The following E2F8 variants were observed in gnomAD, a reference collection of about 807,000 sequenced individuals.
The protein encoded by E2F8 is transcription factor E2F8.
E2F8 carries 35 observed loss-of-function variants against 80.8 expected under a neutral mutation model. The observed-to-expected ratio is 0.43, with a 90% CI of 0.33 to 0.57. E2F8 has a LOEUF of 0.57. Among genes scored for constraint, E2F8 ranks in the 20% least tolerant of loss-of-function variants. The pLI is 0.04. For missense variants in E2F8, 975 were observed against 1,056.2 expected (o/e 0.92, Z 1.07); for synonymous variants, 386 against 395.0 (o/e 0.98, Z 0.27).
At chr11:19,235,097 A>T in intron 4 of E2F8, 39 bp from the exon 5 acceptor site, 1 of 1,535,740 alleles carries the variant, frequency 6.5e-7, no homozygotes, top group Non-Finnish European at 8.8e-7. Flanking sequence ...AGATTTTTGT[A>T]ACGTGTTTAG....
rs1338299440 is a variant in E2F8, at chr11:19,226,647, TC to T, written c.1894-784del. Among the ~76,000 whole-genome samples the T allele has an allele frequency of 6.4e-4, 97 of 152,324 alleles. 1 individual carries two copies. The highest frequency in any genetic ancestry group is 2.3e-3 in the African/African-American group (95 of 41,570). ...ATTTATGTACTGCCTATAGCAACTT[TC>T]CTGCTACAATGGCAGAGTTGACTAG... On this transcript the variant is annotated intron_variant, in intron 10 of 12. Transcript: ENST00000250024.
chr11:19,224,894 G>T, intron 12 of E2F8, 54 bp from the exon 13 acceptor site: 1 of 1,588,194 alleles, frequency 6.3e-7, no homozygotes. Flanking sequence ...CAGGTACATA[G>T]TCTTACCAGA....
At position 19,225,452 on chromosome 11, in the gene E2F8, G is replaced by A. The variant is rs779207610; in HGVS notation, c.2190C>T (p.Ser730=). Residue 730 remains serine (S), a synonymous_variant, in exon 12 of 13, where the codon AGC becomes AGT. Coordinates refer to ENST00000250024, the MANE Select transcript of E2F8 (RefSeq NM_024680.4). ...GCAGGGTGAAGTTTACAATGGCTGA[G>A]CTTGGGTTCTGGATGGGAACAGGGT... ...SSHPVPIQNP[S]SAIVNFTLQH... is the part of the protein sequence containing the mutation. 4 of 1,614,118 alleles carry A rather than the reference G, an allele frequency of 2.5e-6. 1 individual carries two copies. In the South Asian group the frequency reaches 3.3e-5, roughly 13 times the overall value.
At chr11:19,231,325 G>A (rs961847689) in intron 7 of E2F8, among the ~76,000 whole-genome samples, 2 of 152,112 alleles carry the variant, frequency 1.3e-5, no homozygotes, top group African/African-American at 2.4e-5. Flanking sequence ...ATATGGCCCC[G>A]GAATTTTCAC....
At chr11:19,228,128 A>G (rs148066808) in intron 10 of E2F8, among the ~76,000 whole-genome samples, 85 of 152,276 alleles carry the variant, frequency 5.6e-4, no homozygotes, top group African/African-American at 2.0e-3. Context: ...TATAAAAAAG[A>G]AGCAGGAGTA....
intron 8 of E2F8, 94 bp from the exon 9 acceptor site, chr11:19,230,422 G>T: frequency 1.5e-6 from 2 of 1,315,854 alleles, no homozygotes; most frequent in Non-Finnish European, 1.1e-6. Context: ...AACAGAAAGT[G>T]TGCACCTCCC....
chr11:19,229,530 C>G lies in E2F8; in HGVS notation c.1817G>C (p.Arg606Thr), dbSNP rs1299672843. The change falls in exon 10 of 13, where the codon AGG becomes ACG. Residue 606 changes from arginine (R) to threonine (T), a missense_variant. Physicochemically the swap from Arg to Thr is moderately conservative, Grantham distance 71. Coordinates refer to ENST00000250024, the MANE Select transcript of E2F8 (RefSeq NM_024680.4). This position sits in a 1 kb window ranked among gnomAD's most constrained non-coding sequence, Gnocchi z 4.3. ...REPAGERGSK[R>T]ASMLEDSGSK... ...ACCACTGTCCTCGAGCATGCTTGCC[C>G]TCTTTGAGCCTCTTTCTCCAGCTGG... 2 of 1,614,120 alleles carry G rather than the reference C, an allele frequency of 1.2e-6. No homozygotes were observed. The highest frequency in any genetic ancestry group is 2.7e-5 in the African/African-American group (2 of 74,946).
At chr11:19,237,208 T>C in intron 4 of E2F8, 106 bp downstream of exon 4, 1 of 1,102,858 alleles carries the variant, frequency 9.1e-7, no homozygotes, top group East Asian at 2.5e-5. Context: ...GCCGGCTTAT[T>C]TGTGTCATTT....
At chr11:19,240,397 G>C (rs1212156279) in intron 1 of E2F8, among the ~76,000 whole-genome samples, 151 bp downstream of exon 1, 1 of 152,148 alleles carries the variant, frequency 6.6e-6, no homozygotes, top group Non-Finnish European at 1.5e-5. Flanking sequence ...AGCGGAGAAC[G>C]CCAACAAATG....
In E2F8 at chr11:19,227,634, T is replaced by A. The variant is rs773403839; in HGVS notation, c.1894-1770A>T. 7.2e-5 allele frequency among the ~76,000 whole-genome samples: 11 copies of A among 152,358 alleles called. No homozygotes were observed. In the East Asian group the frequency reaches 1.2e-3, roughly 16 times the overall value. ...TCCACCCCTTCCTCCTATCATGTCA[T>A]CTTCATTCCTATCATTCACTACCTG... On this transcript the variant is annotated intron_variant, in intron 10 of 12. Coordinates refer to ENST00000250024, the MANE Select transcript of E2F8 (RefSeq NM_024680.4).
In E2F8 at chr11:19,237,295, G is replaced by A. The variant is rs759646937; in HGVS notation, c.451+19C>T. ...CACTTTAATTATTAATTCTTTCAGT[G>A]AGTTCTTTGCATACTTACTAAGTTC... On this transcript the variant is annotated intron_variant, in intron 4 of 12. Coordinates refer to ENST00000250024, the MANE Select transcript of E2F8 (RefSeq NM_024680.4). 5.0e-6 allele frequency: 8 copies of A among 1,612,436 alleles called. No individual in the cohort carries two copies. The Admixed American group carries it at 1.2e-4, about 24-fold the overall frequency.
intron 4 of E2F8, among the ~76,000 whole-genome samples, chr11:19,235,667 A>AAAC (rs1491130303): frequency 1.5e-4 from 2 of 13,708 alleles, no homozygotes; most frequent in Admixed American, 1.6e-3. Context: ...ACAAACAAAC[A>AAAC]AAAAAAAAAA....
Position 19,234,859 on chromosome 11 carries a change from C to T in E2F8, c.651G>A (p.Glu217=). The change falls in exon 5 of 13, where the codon GAG becomes GAA. Residue 217 remains glutamate, a synonymous_variant. Coordinates refer to ENST00000250024, the MANE Select transcript of E2F8 (RefSeq NM_024680.4). ...TACTGTAACTCTTAATAAAGTCAAA[C>T]TCTTGCTCATATTCTTTCTTTTTGA... ...MMIKKKEYEQ[E]FDFIKSYSIE... is the part of the protein sequence containing the mutation. 1.2e-6 allele frequency: 2 copies of T among 1,614,226 alleles called. No homozygotes were observed. The highest frequency in any genetic ancestry group is 2.2e-5 in the East Asian group (1 of 44,888).
chr11:19,230,956 C>T (rs540057494), intron 7 of E2F8, 122 bp from the exon 8 acceptor site: 2 of 807,858 alleles, frequency 2.5e-6, no homozygotes, highest in East Asian at 2.7e-5. Flanking sequence ...GTGCCTGTCA[C>T]TGTTCTAAGG....
Position 19,240,183 on chromosome 11 carries a change from C to A in E2F8, c.-62G>T. 1 of 1,218,288 alleles carries A rather than the reference C, an allele frequency of 8.2e-7. No individual in the cohort carries two copies. Among genetic ancestry groups the A allele is most frequent in the Non-Finnish European group, 1.1e-6 (1 of 882,312 alleles). The allele number at this position is 1,218,288 out of a possible 1,614,324, so 75.5% of individuals were successfully genotyped here. On this transcript the variant is annotated 5_prime_UTR_variant, in exon 2 of 13. Coordinates refer to ENST00000250024, the MANE Select transcript of E2F8 (RefSeq NM_024680.4). ...AAAAATCTGGAGTTCCTCCCCAAATCCCGATGGTTCAAGTAGTCCAATCAA... is the reference window on the plus strand; with the variant it reads ...AAAAATCTGGAGTTCCTCCCCAAATACCGATGGTTCAAGTAGTCCAATCAA...
In E2F8 at chr11:19,229,369, C is replaced by G; in HGVS notation, c.1893+85G>C. The G allele has an allele frequency of 6.6e-7, 1 of 1,507,446 alleles. No individual in the cohort carries two copies. Among genetic ancestry groups the G allele is most frequent in the African/African-American group, 1.4e-5 (1 of 71,584 alleles). 93.4% of individuals were successfully genotyped at this position (1,507,446 alleles called of 1,614,324 possible). ...GTTCCTTGTCTTCTGAGAGAATGCTCTTCGGTAAATTTCACAAGCCACCAA... is the reference window on the plus strand; with the variant it reads ...GTTCCTTGTCTTCTGAGAGAATGCTGTTCGGTAAATTTCACAAGCCACCAA... On this transcript the variant is annotated intron_variant, in intron 10 of 12. Coordinates refer to ENST00000250024, the MANE Select transcript of E2F8 (RefSeq NM_024680.4). The surrounding 1 kb of genome is among the most constrained non-coding windows in gnomAD (Gnocchi z 4.3).
chr11:19,235,785 T>C (rs537655940), intron 4 of E2F8, among the ~76,000 whole-genome samples: 97 of 152,250 alleles, frequency 6.4e-4, no homozygotes, highest in African/African-American at 2.2e-3. Flanking sequence ...TCCAACCGCT[T>C]CCAATACAAA....
chr11:19,230,088 A>G (rs778266457), intron 9 of E2F8, 100 bp from the exon 10 acceptor site: 22 of 1,537,310 alleles, frequency 1.4e-5, no homozygotes, highest in African/African-American at 2.7e-5. Flanking sequence ...TTTATGGAAC[A>G]TGCAGATAAT....
intron 2 of E2F8, among the ~76,000 whole-genome samples, chr11:19,239,656 C>T (rs1851609839): frequency 1.3e-5 from 2 of 151,176 alleles, no homozygotes; most frequent in South Asian, 2.1e-4. Context: ...TTCAAGAATC[C>T]TCAGAAATGT....
Sources: gnomAD v4.1 joint callset for allele counts (sites outside exome capture counted in the v4.1 genomes callset) on GRCh38, gnomAD v4.1.1 for gene constraint, Gnocchi (gnomAD v3.1) non-coding constraint, MANE v1.5 for transcripts, NCBI Gene and HGNC (gene_info 2026-07-23, HGNC 2026-07-21) for gene names.